The following PCDH9 variants were observed in gnomAD, a reference collection of about 807,000 sequenced individuals.
PCDH9 encodes protocadherin-9.
In PCDH9, 24 loss-of-function variants were observed where a neutral mutation model predicts 70.6. The ratio of observed to expected loss-of-function variants is 0.34; its 90% CI spans 0.25 to 0.48. The LOEUF (loss-of-function observed/expected upper bound fraction) is 0.48, where lower values mean the gene tolerates loss of function less well. Ranked by LOEUF, PCDH9 falls within the 20% of genes least tolerant of loss-of-function variation. The probability of loss-of-function intolerance (pLI) is 0.99; values close to 1 mark genes in which losing one functional copy is unlikely to be tolerated. For synonymous variants in PCDH9, 562 were observed against 558.5 expected, an observed-to-expected ratio of 1.01 and a Z score of -0.09; for missense variants, 1,281 against 1,503.6, an observed-to-expected ratio of 0.85 and a Z score of 2.45.
At chr13:66,762,814 T>C (rs949737550) in intron 3 of PCDH9, among the ~76,000 whole-genome samples, 1 of 151,926 alleles carries the variant, frequency 6.6e-6, no homozygotes, top group African/African-American at 2.4e-5. Context: ...GGTTATTGAG[T>C]CAGCTGATAT....
intron 3 of PCDH9, among the ~76,000 whole-genome samples, chr13:66,764,972 GTCTC>G (rs1261400276): frequency 6.6e-6 from 1 of 151,748 alleles, no homozygotes; most frequent in Admixed American, 6.6e-5. Flanking sequence ...TTCTGTCTCT[GTCTC>G]TCTGTCAGTC....
intron 3 of PCDH9, among the ~76,000 whole-genome samples, chr13:66,680,895 A>G (rs1593883961): frequency 6.6e-6 from 1 of 152,114 alleles, no homozygotes; most frequent in African/African-American, 2.4e-5. Context: ...TATCAAAAAT[A>G]AATATTATAC....
chr13:67,153,091 C>G (rs1322914074), intron 2 of PCDH9, among the ~76,000 whole-genome samples: 4 of 151,870 alleles, frequency 2.6e-5, no homozygotes, highest in African/African-American at 9.7e-5. Flanking sequence ...CCCTTGGATA[C>G]CTGGATGGCC....
chr13:66,326,198 G>A (rs1471023477), intron 4 of PCDH9, among the ~76,000 whole-genome samples: 2 of 152,036 alleles, frequency 1.3e-5, no homozygotes, highest in East Asian at 3.9e-4. Flanking sequence ...CAGGACACAG[G>A]TGGATACAAA....
At chr13:67,205,861 A>C (rs1285548970) in intron 2 of PCDH9, 1 of 152,214 alleles carries the variant, frequency 6.6e-6, no homozygotes, top group African/African-American at 2.4e-5. Flanking sequence ...TTACTATATA[A>C]CTGAAATGGC....
intron 4 of PCDH9, among the ~76,000 whole-genome samples, chr13:66,561,173 C>G (rs537807845): frequency 2.6e-5 from 4 of 152,348 alleles, no homozygotes; most frequent in Admixed American, 2.0e-4. Flanking sequence ...CCGGCTGGCC[C>G]CGCCACCGGG....
At chr13:66,737,926 C>T (rs931604662) in intron 3 of PCDH9, among the ~76,000 whole-genome samples, 82 of 152,218 alleles carry the variant, frequency 5.4e-4, no homozygotes, top group South Asian at 1.5e-3. Flanking sequence ...GGGAGGGGCG[C>T]CCGCCATTGC....
intron 2 of PCDH9, among the ~76,000 whole-genome samples, chr13:67,111,622 A>G (rs773094684): frequency 6.6e-6 from 1 of 152,204 alleles, no homozygotes; most frequent in African/African-American, 2.4e-5. Context: ...TGTAAAATTG[A>G]CTACTTTTTT....
intron 3 of PCDH9, among the ~76,000 whole-genome samples, chr13:66,831,006 C>T (rs2139406852): frequency 6.6e-6 from 1 of 152,168 alleles, no homozygotes; most frequent in South Asian, 2.1e-4. Context: ...AAAAATATCC[C>T]TTAGGGTAGG....
At chr13:66,923,019 ATATT>A (rs1322093231) in intron 2 of PCDH9, among the ~76,000 whole-genome samples, 1 of 151,454 alleles carries the variant, frequency 6.6e-6, no homozygotes, top group Non-Finnish European at 1.5e-5. Flanking sequence ...AGGGATGAGA[ATATT>A]TATACGTAAG....
intron 3 of PCDH9, among the ~76,000 whole-genome samples, chr13:66,675,736 AC>A (rs1349374199): frequency 6.6e-6 from 1 of 152,014 alleles, no homozygotes; most frequent in Non-Finnish European, 1.5e-5. Flanking sequence ...AGCCAATATT[AC>A]TTTTTTTCCT....
At chr13:66,538,075 T>C (rs1185901536) in intron 4 of PCDH9, among the ~76,000 whole-genome samples, 1 of 152,142 alleles carries the variant, frequency 6.6e-6, no homozygotes, top group Non-Finnish European at 1.5e-5. Context: ...CCTAGTTCAG[T>C]GACAAAGATA....
chr13:66,477,250 A>T (rs2138499128), intron 4 of PCDH9, among the ~76,000 whole-genome samples: 1 of 152,240 alleles, frequency 6.6e-6, no homozygotes, highest in Non-Finnish European at 1.5e-5. Flanking sequence ...TTTATAAGCT[A>T]TATGGCTTGG....
chr13:66,306,637 T>C (rs997167417), intron 4 of PCDH9, among the ~76,000 whole-genome samples: 14 of 151,782 alleles, frequency 9.2e-5, no homozygotes, highest in African/African-American at 3.4e-4. Flanking sequence ...TTTTTTTATA[T>C]CTAAAAGTCT....
intron 4 of PCDH9, among the ~76,000 whole-genome samples, chr13:66,624,036 G>GAA (rs1237453749): frequency 6.6e-6 from 1 of 152,118 alleles, no homozygotes; most frequent in African/African-American, 2.4e-5. Context: ...TTAAACAGCA[G>GAA]AAAATCCTTT....
chr13:66,358,405 G>GA lies in PCDH9; in HGVS notation c.3341-53378dup, dbSNP rs571297274. On this transcript the variant is annotated intron_variant, in intron 4 of 4. Coordinates refer to ENST00000377865, the MANE Select transcript of PCDH9 (RefSeq NM_203487.3). ...GCTATTGTTACATCAAAATAAGAGG[G>GA]AAAAAATCTCGCTATATGAGGTATG... 4.3e-3 allele frequency among the ~76,000 whole-genome samples: 657 copies of GA among 151,936 alleles called. 6 individuals carry two copies. Among genetic ancestry groups the GA allele is most frequent in the African/African-American group, 0.015 (623 of 41,488 alleles).
chr13:66,824,657 T>TATAC (rs2080779489), intron 3 of PCDH9, among the ~76,000 whole-genome samples: 1 of 24,626 alleles, frequency 4.1e-5, no homozygotes, highest in African/African-American at 1.2e-4. Flanking sequence ...CTCTGATATA[T>TATAC]ATATATATAT....
chr13:66,813,193 T>C (rs528191381), intron 3 of PCDH9, among the ~76,000 whole-genome samples: 1 of 152,298 alleles, frequency 6.6e-6, no homozygotes, highest in African/African-American at 2.4e-5. Flanking sequence ...GGCCAACTCA[T>C]ATGATGTAAT....
chr13:66,842,855 A>T (rs534894116), intron 3 of PCDH9, among the ~76,000 whole-genome samples: 14 of 152,308 alleles, frequency 9.2e-5, no homozygotes, highest in African/African-American at 3.4e-4. Context: ...GTAGTGTGAG[A>T]TGTCTCTCTA....
Sources: allele counts gnomAD v4.1 joint callset (sites outside exome capture counted in the v4.1 genomes callset), GRCh38; gene constraint gnomAD v4.1.1; transcripts MANE v1.5; gene names NCBI Gene and HGNC (gene_info 2026-07-23, HGNC 2026-07-21).